Variants in SURF2 observed in about 807,000 individuals in gnomAD.
The protein encoded by SURF2 is surfeit locus protein 2.
Under a neutral mutation model 26.2 loss-of-function variants are expected in SURF2, and 32 were observed. That is an observed-to-expected ratio of 1.22 (90% CI 0.92 to 1.64). The LOEUF (loss-of-function observed/expected upper bound fraction) is 1.64, where lower values mean the gene tolerates loss of function less well. Among genes scored for constraint, SURF2 ranks in the 40% most tolerant of loss-of-function variants. SURF2 has a pLI of 0.00. For missense variants in SURF2, 415 were observed against 341.6 expected (o/e 1.21, Z -1.69); for synonymous variants, 173 against 139.1 (o/e 1.24, Z -1.71).
intron 3 of SURF2, among the ~76,000 whole-genome samples, chr9:133,359,080 C>CT (rs2130041260): frequency 7.9e-5 from 12 of 152,136 alleles, no homozygotes; most frequent in African/African-American, 2.4e-4. Context: ...CAGGAAGGCT[C>CT]TAAGTGCAGG....
Position 133,360,377 on chromosome 9 carries a change from T to C in SURF2, c.630T>C (p.Thr210=). 2 of 1,613,748 alleles carry C rather than the reference T, an allele frequency of 1.2e-6. No individual in the cohort carries two copies. The highest frequency in any genetic ancestry group is 2.2e-5 in the East Asian group (1 of 44,876). The stretch of plus-strand genomic sequence containing the variant: ...CAAAGCCCCCAAGAGAGAAGGCCAC[T>C]GATGAGGGCAGGAGAGAGACGACCG... ...EKAKPPREKA[T]DEGRRETTVY... Residue 210 remains threonine (T), a synonymous_variant, in exon 5 of 6, where the codon ACT becomes ACC. Transcript: ENST00000371964.
chr9:133,357,734 C>G lies in SURF2; in HGVS notation c.257C>G (p.Thr86Ser). Residue 86 changes from threonine (T) to serine (S), a missense_variant, in exon 3 of 6, where the codon ACC becomes AGC. Coordinates refer to ENST00000371964, the MANE Select transcript of SURF2 (RefSeq NM_017503.5). ...AGGCACCAGTTGTTCTGCAAACTCA[C>G]CCTGCGGCACATCAACAAGTGCCCA... ...KNPHQLFCKL[T>S]LRHINKCPEH... 1.2e-6 allele frequency: 2 copies of G among 1,613,822 alleles called. No individual in the cohort carries two copies. The highest frequency in any genetic ancestry group is 1.7e-6 in the Non-Finnish European group (2 of 1,180,030).
intron 3 of SURF2, among the ~76,000 whole-genome samples, chr9:133,358,412 T>G (rs1836668591): frequency 6.6e-6 from 1 of 152,024 alleles, no homozygotes; most frequent in Non-Finnish European, 1.5e-5. Context: ...CGGTGGGTTT[T>G]GGGGGGAGAA....
rs1836648984 is a variant in SURF2, at chr9:133,357,792, G to A, written c.315G>A (p.Arg105=). 1 of 1,613,630 alleles carries A rather than the reference G, an allele frequency of 6.2e-7. No individual in the cohort carries two copies. ...TGCTGAGGCACACCCAGGGCCGGCG[G>A]TACCAGCGAGCTCTGTGTAAATGTA... ...EHVLRHTQGR[R]YQRALCKYEE... is the part of the protein sequence containing the mutation. Residue 105 remains arginine (R), a synonymous_variant, in exon 3 of 6, where the codon CGG becomes CGA. Transcript: ENST00000371964.
rs2130028954 is a variant in SURF2 at position 133,356,630 on chromosome 9, G to C, written c.38G>C (p.Arg13Pro). ...CCGGGCGACGTGCGGGCGTTTCTGC[G>C]GGAGCACCCGAGCCTGCGGCTCCAG... Reference protein sequence around the residue: ...ELPGDVRAFLREHPSLRLQTD... With the variant: ...ELPGDVRAFLPEHPSLRLQTD... The change falls in exon 1 of 6, where the codon CGG (arginine) becomes CCG (proline). Residue 13 changes from arginine to proline, a missense_variant. Arg to Pro is a moderately radical substitution (Grantham distance 103, BLOSUM62 -2). Coordinates refer to ENST00000371964, the MANE Select transcript of SURF2 (RefSeq NM_017503.5). 6.6e-7 allele frequency: 1 copy of C among 1,526,366 alleles called. No individual in the cohort carries two copies. The highest frequency in any genetic ancestry group is 1.2e-5 in the South Asian group (1 of 83,284). 94.6% of individuals were successfully genotyped at this position (1,526,366 alleles called of 1,614,324 possible).
intron 5 of SURF2, 29 bp downstream of exon 5, chr9:133,360,463 G>A: frequency 1.3e-6 from 2 of 1,563,700 alleles, no homozygotes; most frequent in Non-Finnish European, 1.7e-6. Context: ...TGTTAGTGTG[G>A]CAGTGGCTTC....
Position 133,360,264 on chromosome 9 carries a change from G to C in SURF2, c.518-1G>C, listed in dbSNP as rs2130049544. The C allele has an allele frequency of 6.2e-7, 1 of 1,613,616 alleles. No individual in the cohort carries two copies. Among genetic ancestry groups the C allele is most frequent in the Non-Finnish European group, 8.5e-7 (1 of 1,179,744 alleles). ...TCAGCCAATCCCTGTGTTCCTCCCA[G>C]CTGAGCTATTCACCAGAAAGGACCT... is the stretch of plus-strand genomic sequence containing the variant. On this transcript the variant is annotated splice_acceptor_variant, in intron 4 of 5. Transcript: ENST00000371964. LOFTEE classifies it high-confidence loss of function.
In SURF2 at chr9:133,357,007, G is replaced by A. The variant is rs1378316612; in HGVS notation, c.172G>A (p.Ala58Thr). 1 of 1,568,512 alleles carries A rather than the reference G, an allele frequency of 6.4e-7. No individual in the cohort carries two copies. The highest frequency in any genetic ancestry group is 1.4e-5 in the African/African-American group (1 of 74,068). The stretch of plus-strand genomic sequence containing the variant: ...CAAAAAGTACCAGCGGCTGGTCCGC[G>A]CCTCCCCGGCCTTCGACTATGCAGA... ...RGKKYQRLVR[A>T]SPAFDYAEFE... The change falls in exon 2 of 6, where the codon GCC (alanine) becomes ACC (threonine). Residue 58 changes from alanine to threonine, a missense_variant. Ala to Thr is a moderately conservative substitution (Grantham distance 58, BLOSUM62 0). Transcript: ENST00000371964.
rs2130050467 is a variant in SURF2 at position 133,360,362 on chromosome 9, A to G, written c.615A>G (p.Pro205=). The G allele has an allele frequency of 4.3e-6, 7 of 1,614,054 alleles. No individual in the cohort carries two copies. The highest frequency in any genetic ancestry group is 2.2e-5 in the East Asian group (1 of 44,878). ...TDKEDEKAKP[P]REKATDEGRR... ...AAGAGGATGAGAAGGCAAAGCCCCC[A>G]AGAGAGAAGGCCACTGATGAGGGCA... Residue 205 remains proline, a synonymous_variant, in exon 5 of 6, where the codon CCA becomes CCG. Coordinates refer to ENST00000371964, the MANE Select transcript of SURF2 (RefSeq NM_017503.5).
chr9:133,360,938 C>T, intron 5 of SURF2, 118 bp from the exon 6 acceptor site: 2 of 1,038,882 alleles, frequency 1.9e-6, no homozygotes, highest in Middle Eastern at 2.2e-4. Flanking sequence ...GAGAAAGCCT[C>T]TGTGGGTATT....
intron 3 of SURF2, 47 bp downstream of exon 3, chr9:133,357,861 G>A (rs2130037414): frequency 5.1e-6 from 8 of 1,571,254 alleles, no homozygotes; most frequent in Non-Finnish European, 7.0e-6. Context: ...CTGAGTGCAT[G>A]CCCGCCTTGC....
chr9:133,360,850 T>C (rs2130054749), intron 5 of SURF2, among the ~76,000 whole-genome samples: 2 of 152,262 alleles, frequency 1.3e-5, no homozygotes, highest in East Asian at 3.9e-4. Context: ...TCCTAATGAG[T>C]GTGTGGCATT....
At chr9:133,360,931 A>G (rs1208005911) in intron 5 of SURF2, 125 bp from the exon 6 acceptor site, 1 of 975,416 alleles carries the variant, frequency 1.0e-6, no homozygotes, top group Non-Finnish European at 1.6e-6. Context: ...GGGGGTGGAG[A>G]AAGCCTCTGT....
chr9:133,359,660 G>C (rs2130043284), intron 3 of SURF2, among the ~76,000 whole-genome samples: 4 of 152,252 alleles, frequency 2.6e-5, no homozygotes, highest in African/African-American at 9.6e-5. Context: ...CCTTGGGCCT[G>C]GTCAGTGCCC....
In SURF2 at chr9:133,360,356, G is replaced by T. The variant is rs2130050314; in HGVS notation, c.609G>T (p.Lys203Asn). The T allele has an allele frequency of 6.2e-7, 1 of 1,614,078 alleles. No homozygotes were observed. Among genetic ancestry groups the T allele is most frequent in the South Asian group, 1.1e-5 (1 of 91,086 alleles). The change falls in exon 5 of 6, where the codon AAG (lysine) becomes AAT (asparagine). Residue 203 changes from lysine (K) to asparagine (N), a missense_variant. Coordinates refer to ENST00000371964, the MANE Select transcript of SURF2 (RefSeq NM_017503.5). ...FLTDKEDEKA[K>N]PPREKATDEG... ...CAGACAAAGAGGATGAGAAGGCAAA[G>T]CCCCCAAGAGAGAAGGCCACTGATG...
Position 133,358,740 on chromosome 9 carries a change from G to A in SURF2, c.337+926G>A, listed in dbSNP as rs150119563. Reference sequence around the variant, plus strand: ...CAGGGACACCTGGCTAGAGTGGAGCGTAGGCTGCAGCCCATGAGGGCAGTG... The same window carrying A: ...CAGGGACACCTGGCTAGAGTGGAGCATAGGCTGCAGCCCATGAGGGCAGTG... On this transcript the variant is annotated intron_variant, in intron 3 of 5. Transcript: ENST00000371964. 3.8e-3 allele frequency among the ~76,000 whole-genome samples: 586 copies of A among 152,320 alleles called. 3 individuals are homozygous for A. Among genetic ancestry groups the A allele is most frequent in the African/African-American group, 0.012 (485 of 41,580 alleles).
At chr9:133,358,103 G>A (rs1836658368) in intron 3 of SURF2, among the ~76,000 whole-genome samples, 1 of 152,178 alleles carries the variant, frequency 6.6e-6, no homozygotes, top group African/African-American at 2.4e-5. Context: ...AGACAGGAGG[G>A]CTGGGGAGAC....
At chr9:133,357,189 G>C in intron 2 of SURF2, 121 bp downstream of exon 2, 1 of 1,277,532 alleles carries the variant, frequency 7.8e-7, no homozygotes, top group East Asian at 2.9e-5. Flanking sequence ...CCAGGTGGGC[G>C]CCCGGGTGCT....
At chr9:133,359,537 C>T (rs948637460) in intron 3 of SURF2, among the ~76,000 whole-genome samples, 2 of 152,222 alleles carry the variant, frequency 1.3e-5, no homozygotes, top group African/African-American at 4.8e-5. Flanking sequence ...CCCTCCGGGA[C>T]GGGGTCTCCC....
Sources: gnomAD v4.1 joint callset for allele counts (sites outside exome capture counted in the v4.1 genomes callset) on GRCh38, gnomAD v4.1.1 for gene constraint, MANE v1.5 for transcripts, NCBI Gene and HGNC (gene_info 2026-07-23, HGNC 2026-07-21) for gene names.